Variants in ACACB observed in about 807,000 individuals in gnomAD.
The protein encoded by ACACB is acetyl-CoA carboxylase beta.
In ACACB, 209 loss-of-function variants were observed where a neutral mutation model predicts 278.8. The ratio of observed to expected loss-of-function variants is 0.75; its 90% confidence interval spans 0.67 to 0.84. The LOEUF is 0.84. ACACB is among the 40% of genes least tolerant of loss of function. The pLI, the probability that ACACB is intolerant of heterozygous loss-of-function variation, is 0.00. For missense variants in ACACB, 2,850 were observed against 3,269.0 expected (o/e 0.87, Z 3.13); for synonymous variants, 1,174 against 1,285.6 (o/e 0.91, Z 1.86).
intron 21 of ACACB, among the ~76,000 whole-genome samples, chr12:109,210,298 TGTATATATAC>T (rs2045758949): frequency 7.2e-5 from 8 of 111,042 alleles, no homozygotes; most frequent in Admixed American, 3.4e-4. Flanking sequence ...TGTGTGTATA[TGTATATATAC>T]ACACACATAT....
chr12:109,132,171 C>CTT (rs545662953), intron 1 of ACACB, among the ~76,000 whole-genome samples: 11 of 146,316 alleles, frequency 7.5e-5, no homozygotes, highest in East Asian at 2.0e-4. Flanking sequence ...TGGGTTGTTC[C>CTT]TTTTTTTTTT....
chr12:109,162,519 G>C (rs1407032623), intron 2 of ACACB, among the ~76,000 whole-genome samples: 1 of 152,106 alleles, frequency 6.6e-6, no homozygotes, highest in Admixed American at 6.6e-5. Flanking sequence ...CTGCGGCAGG[G>C]GCTGTCCACT....
rs1284376431 is a variant in ACACB, at chr12:109,262,331, C to G, written c.6675-26C>G. ...CTTGCTGGGCAATGCCTCATATACCCCCATCCCTGCCTCTTCTCTTTTAAG... is the reference window on the plus strand; with the variant it reads ...CTTGCTGGGCAATGCCTCATATACCGCCATCCCTGCCTCTTCTCTTTTAAG... On this transcript the variant is annotated intron_variant, in intron 48 of 52. Transcript: ENST00000338432. 6 of 1,583,828 alleles carry G rather than the reference C, an allele frequency of 3.8e-6. No homozygotes were observed. The African/African-American group carries it at 4.0e-5, about 11-fold the overall frequency.
At chr12:109,199,880 G>A (rs1229008645) in intron 18 of ACACB, among the ~76,000 whole-genome samples, 1 of 152,028 alleles carries the variant, frequency 6.6e-6, no homozygotes, top group African/African-American at 2.4e-5. Context: ...GGGCATGGTG[G>A]CAGGCGCCTG....
At chr12:109,119,757 T>C (rs1031970231) in intron 1 of ACACB, among the ~76,000 whole-genome samples, 1 of 151,730 alleles carries the variant, frequency 6.6e-6, no homozygotes, top group African/African-American at 2.4e-5. Flanking sequence ...ATTAGCCAGT[T>C]ATGGTGGTGC....
rs755520928 is a variant in ACACB, at chr12:109,235,382, T to C, written c.4404+13T>C. On this transcript the variant is annotated intron_variant, in intron 32 of 52. Transcript: ENST00000338432. Reference sequence around the variant, plus strand: ...GATTGCCCAAGAGGTTAGTTCACAGTTCATCTCTATGAGTCTTTCCCATTC... The same window carrying C: ...GATTGCCCAAGAGGTTAGTTCACAGCTCATCTCTATGAGTCTTTCCCATTC... The C allele has an allele frequency of 1.2e-6, 2 of 1,610,614 alleles. No individual in the cohort carries two copies. Among genetic ancestry groups the C allele is most frequent in the Middle Eastern group, 1.7e-4 (1 of 6,052 alleles).
intron 43 of ACACB, among the ~76,000 whole-genome samples, chr12:109,253,714 G>A (rs913889285): frequency 6.6e-6 from 1 of 152,206 alleles, no homozygotes; most frequent in Non-Finnish European, 1.5e-5. Flanking sequence ...TTACAAATGA[G>A]TGAGGTTGTC....
intron 28 of ACACB, among the ~76,000 whole-genome samples, chr12:109,230,543 T>G (rs2046438397): frequency 6.6e-6 from 1 of 152,164 alleles, no homozygotes; most frequent in Admixed American, 6.5e-5. Context: ...CCACCTCAGC[T>G]CCCTGTGTAG....
chr12:109,231,428 G>T lies in ACACB; in HGVS notation c.4002-1241G>T, dbSNP rs146768606. Among the ~76,000 whole-genome samples, 49 of 152,244 alleles carry T rather than the reference G, an allele frequency of 3.2e-4. No individual in the cohort carries two copies. In the East Asian group the frequency reaches 9.1e-3, roughly 28 times the overall value. On this transcript the variant is annotated intron_variant, in intron 28 of 52. Coordinates refer to ENST00000338432, the MANE Select transcript of ACACB (RefSeq NM_001093.4). ...AATTCATGTATGTTATTAAAATGCT[G>T]CATGGACCAAAGTCATTCTGTGAGT... is the stretch of plus-strand genomic sequence containing the variant.
At chr12:109,216,568 G>A (rs1233552368) in intron 22 of ACACB, 50 bp from the exon 23 acceptor site, 22 of 1,534,848 alleles carry the variant, frequency 1.4e-5, no homozygotes, top group Middle Eastern at 1.7e-4. Context: ...AAATATTCAG[G>A]TACTCAAGGA....
At chr12:109,186,139 C>T (rs1263873756) in intron 12 of ACACB, among the ~76,000 whole-genome samples, 1 of 152,076 alleles carries the variant, frequency 6.6e-6, no homozygotes, top group East Asian at 1.9e-4. Context: ...CCATATTGGC[C>T]AGGCTGGTCT....
intron 15 of ACACB, among the ~76,000 whole-genome samples, chr12:109,193,282 A>G (rs997102817): frequency 8.5e-5 from 12 of 141,826 alleles, no homozygotes; most frequent in African/African-American, 2.4e-4. Context: ...CAATGGTGTG[A>G]TCTCAGCTCA....
In ACACB at chr12:109,167,966, T is replaced by A; in HGVS notation, c.857T>A (p.Met286Lys). 6.2e-7 allele frequency: 1 copy of A among 1,614,010 alleles called. No homozygotes were observed. Among genetic ancestry groups the A allele is most frequent in the Non-Finnish European group, 8.5e-7 (1 of 1,179,990 alleles). Residue 286 changes from methionine to lysine, a missense_variant, in exon 4 of 53, where the codon ATG (methionine) becomes AAG (lysine). This residue lies in a region of ACACB where 2,265 missense variants were observed against 2,561.3 expected (regional missense o/e 0.88). Transcript: ENST00000338432. ...MRSIRRWAYE[M>K]FRNERAIRFV... ...TCCATCCGCAGGTGGGCCTATGAGA[T>A]GTTCCGCAACGAGCGGGCCATCCGG...
At chr12:109,194,062 G>A (rs1252096977) in intron 16 of ACACB, among the ~76,000 whole-genome samples, 2 of 152,164 alleles carry the variant, frequency 1.3e-5, no homozygotes, top group African/African-American at 2.4e-5. Flanking sequence ...TTGGCGGGCC[G>A]TGGTCTCTCT....
At chr12:109,163,249 A>G (rs1035224215) in intron 2 of ACACB, among the ~76,000 whole-genome samples, 28 of 152,120 alleles carry the variant, frequency 1.8e-4, no homozygotes, top group African/African-American at 6.5e-4. Context: ...CTCATATGTA[A>G]GTCAAGGTCC....
Position 109,185,597 on chromosome 12 carries a change from C to T in ACACB, c.1837C>T (p.Leu613=). 1 of 1,613,968 alleles carries T rather than the reference C, an allele frequency of 6.2e-7. No homozygotes were observed. The highest frequency in any genetic ancestry group is 8.5e-7 in the Non-Finnish European group (1 of 1,179,988). The change falls in exon 12 of 53, where the codon CTG becomes TTG. Residue 613 remains leucine, a synonymous_variant. Coordinates refer to ENST00000338432, the MANE Select transcript of ACACB (RefSeq NM_001093.4). ...AQLQIAMGVP[L]HRLKDIRLLY... ...ATTTTAGATCGCCATGGGCGTGCCA[C>T]TGCACCGGCTGAAGGATATCCGGCT...
At chr12:109,126,639 G>A (rs1169869580) in intron 1 of ACACB, among the ~76,000 whole-genome samples, 1 of 152,060 alleles carries the variant, frequency 6.6e-6, no homozygotes, top group Non-Finnish European at 1.5e-5. Context: ...AGTTACAATT[G>A]TGCCACTGGA....
At position 109,165,872 on chromosome 12, in the gene ACACB, G is replaced by A. The variant is rs145663082; in HGVS notation, c.654-989G>A. Among the ~76,000 whole-genome samples the A allele has an allele frequency of 4.8e-3, 726 of 152,312 alleles. 2 individuals are homozygous for A. Among genetic ancestry groups the A allele is most frequent in the Non-Finnish European group, 7.8e-3 (532 of 68,024 alleles). On this transcript the variant is annotated intron_variant, in intron 2 of 52. Coordinates refer to ENST00000338432, the MANE Select transcript of ACACB (RefSeq NM_001093.4). ...CAAGATTGCATACACTTGTTGTTTA[G>A]GACTATGGAGATGTGTAATTGCTAG...
intron 1 of ACACB, among the ~76,000 whole-genome samples, chr12:109,134,911 C>T: frequency 6.6e-6 from 1 of 152,178 alleles, no homozygotes; most frequent in East Asian, 1.9e-4. Flanking sequence ...CCCTAAATAT[C>T]AGTAGTGCCA....
Sources: allele counts gnomAD v4.1 joint callset (sites outside exome capture counted in the v4.1 genomes callset), GRCh38; gene constraint gnomAD v4.1.1; regional missense constraint gnomAD v4.1.1; transcripts MANE v1.5; gene names NCBI Gene and HGNC (gene_info 2026-07-23, HGNC 2026-07-21).